UNC13C: variants seen among roughly 807,000 people sequenced by gnomAD.
The protein encoded by UNC13C is unc-13 homolog C, also known as protein unc-13 homolog C.
In UNC13C, 174 loss-of-function variants were observed where a neutral mutation model predicts 245.4. That is an observed-to-expected ratio of 0.71 (90% confidence interval 0.63 to 0.80). The LOEUF (loss-of-function observed/expected upper bound fraction) is 0.80. UNC13C is among the 30% of genes least tolerant of loss of function. The pLI is 0.00. For synonymous variants in UNC13C, 992 were observed against 895.1 expected (o/e 1.11, Z -1.93); for missense variants, 2,829 against 2,602.9 (o/e 1.09, Z -1.89).
chr15:54,048,978 A>G (rs1897158642), intron 2 of UNC13C: 1 of 359,144 alleles, frequency 2.8e-6, no homozygotes, highest in South Asian at 2.6e-5. Context: ...ACTCCAGGCC[A>G]AAGTATGCAC....
intron 2 of UNC13C, among the ~76,000 whole-genome samples, chr15:54,135,648 C>G (rs2031689019): frequency 6.6e-6 from 1 of 152,090 alleles, no homozygotes; most frequent in African/African-American, 2.4e-5. Flanking sequence ...TCTTCTGTTC[C>G]ATCAGTCTAT....
intron 19 of UNC13C, among the ~76,000 whole-genome samples, chr15:54,451,136 T>C (rs1046173900): frequency 2.0e-5 from 3 of 152,160 alleles, no homozygotes; most frequent in African/African-American, 7.2e-5. Flanking sequence ...TCCTTCTGGG[T>C]CACTGAAAAT....
At chr15:53,971,161 GA>G in the UNC13C span, among the ~76,000 whole-genome samples, 16 of 152,242 alleles carry the variant, frequency 1.1e-4, no homozygotes, top group South Asian at 2.1e-4. Context: ...CTTCTTTTGA[GA>G]AATGTCTATT....
intron 17 of UNC13C, among the ~76,000 whole-genome samples, chr15:54,356,456 T>G (rs2140854165): frequency 6.6e-6 from 1 of 152,272 alleles, no homozygotes; most frequent in Non-Finnish European, 1.5e-5. Context: ...ACTGGGTAAT[T>G]AATAAACAAC....
chr15:54,248,571 CACTCTTTATT>C (rs2036059092), intron 7 of UNC13C, among the ~76,000 whole-genome samples: 1 of 52,630 alleles, frequency 1.9e-5, no homozygotes, highest in African/African-American at 1.7e-4. Flanking sequence ...TTGCTTCAGA[CACTCTTTATT>C]GAGCCAGGAG....
At chr15:54,295,957 C>A (rs919166287) in intron 11 of UNC13C, among the ~76,000 whole-genome samples, 4 of 152,126 alleles carry the variant, frequency 2.6e-5, no homozygotes, top group African/African-American at 7.2e-5. Context: ...AAACAAATAA[C>A]CTATTTCTAT....
At chr15:54,583,244 T>C (rs1395522568) in intron 30 of UNC13C, among the ~76,000 whole-genome samples, 1 of 152,144 alleles carries the variant, frequency 6.6e-6, no homozygotes, top group Non-Finnish European at 1.5e-5. Context: ...TATAAACCTC[T>C]AGATAAAAGA....
chr15:54,576,705 C>G (rs1259830137), intron 30 of UNC13C, among the ~76,000 whole-genome samples: 1 of 152,172 alleles, frequency 6.6e-6, no homozygotes, highest in Non-Finnish European at 1.5e-5. Flanking sequence ...TCCTCCCTGT[C>G]TCCCTCTTCT....
chr15:53,938,592 TG>T, the UNC13C span, among the ~76,000 whole-genome samples: 1 of 152,074 alleles, frequency 6.6e-6, no homozygotes, highest in Non-Finnish European at 1.5e-5. Context: ...ACTCCAAAAT[TG>T]GTCACATAAT....
rs1273549994 is a variant in UNC13C, at chr15:54,057,233, A to T, written c.2983+41347A>T. ...GGAAACCCATCTCACGTGCAGAGAC[A>T]CACATAGGCTCAAAATAAAGGGATG... On this transcript the variant is annotated intron_variant, in intron 2 of 32. Transcript: ENST00000260323. Among the ~76,000 whole-genome samples the T allele has an allele frequency of 4.6e-5, 7 of 151,982 alleles. No individual in the cohort carries two copies. The East Asian group carries it at 5.8e-4, about 13-fold the overall frequency.
At chr15:54,390,581 T>C (rs2039933528) in intron 17 of UNC13C, among the ~76,000 whole-genome samples, 1 of 152,094 alleles carries the variant, frequency 6.6e-6, no homozygotes, top group Non-Finnish European at 1.5e-5. Context: ...AATGTATTTT[T>C]ATTTGCTATT....
intron 24 of UNC13C, among the ~76,000 whole-genome samples, chr15:54,523,485 T>C (rs542340122): frequency 5.4e-4 from 83 of 152,324 alleles, no homozygotes; most frequent in African/African-American, 1.9e-3. Context: ...TGTCATCCAA[T>C]GTTCAAATCG....
intron 19 of UNC13C, among the ~76,000 whole-genome samples, chr15:54,464,567 T>C (rs1013727640): frequency 3.3e-5 from 5 of 152,122 alleles, no homozygotes; most frequent in African/African-American, 4.8e-5. Flanking sequence ...TAAATGTATT[T>C]TTGAAAATTC....
At chr15:53,918,794 C>T in the UNC13C span, among the ~76,000 whole-genome samples, 14 of 152,300 alleles carry the variant, frequency 9.2e-5, no homozygotes, top group Non-Finnish European at 7.4e-5. Flanking sequence ...GAGCCTCTCT[C>T]CCCCACACCA....
At chr15:54,304,806 A>G (rs1050863511) in intron 13 of UNC13C, among the ~76,000 whole-genome samples, 1 of 152,056 alleles carries the variant, frequency 6.6e-6, no homozygotes, top group Non-Finnish European at 1.5e-5. Flanking sequence ...TCTGTTGACA[A>G]TCTGATCAAT....
At chr15:54,082,625 T>A (rs1279448591) in intron 2 of UNC13C, among the ~76,000 whole-genome samples, 1 of 152,182 alleles carries the variant, frequency 6.6e-6, no homozygotes. Flanking sequence ...ATGTAATCTT[T>A]TGGAGTTGTC....
the UNC13C span, among the ~76,000 whole-genome samples, chr15:53,841,750 G>T: frequency 6.6e-6 from 1 of 152,094 alleles, no homozygotes; most frequent in East Asian, 1.9e-4. Flanking sequence ...ATCGTCAGGG[G>T]TCTCATGTGG....
intron 19 of UNC13C, among the ~76,000 whole-genome samples, chr15:54,438,438 G>T (rs1005969988): frequency 6.6e-6 from 1 of 151,942 alleles, no homozygotes; most frequent in Non-Finnish European, 1.5e-5. Flanking sequence ...CCAATTGTAA[G>T]CAAGCACATT....
chr15:54,606,854 G>T (rs1899793352), intron 30 of UNC13C, among the ~76,000 whole-genome samples: 1 of 152,166 alleles, frequency 6.6e-6, no homozygotes, highest in Admixed American at 6.5e-5. Context: ...GAATTACATG[G>T]ATGAATGTGG....
Sources: allele counts gnomAD v4.1 joint callset (sites outside exome capture counted in the v4.1 genomes callset), GRCh38; gene constraint gnomAD v4.1.1; transcripts MANE v1.5; gene names NCBI Gene and HGNC (gene_info 2026-07-23, HGNC 2026-07-21).